Variants in TCF7L1 observed in about 807,000 individuals in gnomAD.
TCF7L1 encodes the protein transcription factor 7 like 1.
Under a neutral mutation model 63.7 loss-of-function variants are expected in TCF7L1, and 18 were observed. The ratio of observed to expected loss-of-function variants is 0.28; its 90% CI spans 0.20 to 0.42. TCF7L1 has a LOEUF of 0.42. Among genes scored for constraint, TCF7L1 ranks in the 10% least tolerant of loss-of-function variants. The pLI is 1.00. For missense variants in TCF7L1, 654 were observed against 779.3 expected (o/e 0.84, Z 1.91); for synonymous variants, 355 against 340.9 (o/e 1.04, Z -0.46).
intron 4 of TCF7L1, among the ~76,000 whole-genome samples, chr2:85,300,328 T>C (rs73943085): frequency 0.11 from 17,304 of 152,248 alleles, 1,196 homozygotes; most frequent in South Asian, 0.2. Context: ...TTAAGATGCA[T>C]TGGCTTCCTG....
At chr2:85,251,723 A>G (rs917374065) in intron 3 of TCF7L1, among the ~76,000 whole-genome samples, 1 of 152,130 alleles carries the variant, frequency 6.6e-6, no homozygotes, top group African/African-American at 2.4e-5. Flanking sequence ...GAAGCTACCT[A>G]CTGCTTGCCC....
chr2:85,138,917 T>C (rs1316369040), intron 3 of TCF7L1, among the ~76,000 whole-genome samples: 1 of 152,206 alleles, frequency 6.6e-6, no homozygotes, highest in Admixed American at 6.5e-5. Context: ...TTAAATCTTC[T>C]ATAATAGGAA....
At chr2:85,268,599 GC>G (rs1681066922) in intron 3 of TCF7L1, among the ~76,000 whole-genome samples, 3 of 150,788 alleles carry the variant, frequency 2.0e-5, no homozygotes, top group African/African-American at 7.3e-5. Context: ...CCGCCACCAT[GC>G]CCGGCTAGTT....
At chr2:85,205,170 A>G (rs961705540) in intron 3 of TCF7L1, 17 of 152,254 alleles carry the variant, frequency 1.1e-4, no homozygotes, top group African/African-American at 3.6e-4. Context: ...AAGTTGTTTT[A>G]AAATAATACA....
chr2:85,264,885 A>G (rs1275488814), intron 3 of TCF7L1, among the ~76,000 whole-genome samples: 1 of 152,236 alleles, frequency 6.6e-6, no homozygotes, highest in East Asian at 1.9e-4. Context: ...AATTTGTCCA[A>G]TAAACCATCA....
intron 3 of TCF7L1, among the ~76,000 whole-genome samples, chr2:85,250,232 C>T (rs186787652): frequency 1.2e-4 from 18 of 152,240 alleles, no homozygotes; most frequent in Non-Finnish European, 1.8e-4. Flanking sequence ...CGTGACATCA[C>T]TGAACACTGA....
rs749856043 is a variant in TCF7L1 at position 85,304,329 on chromosome 2, C to T, written c.836C>T (p.Ser279Leu). The change falls in exon 7 of 12, where the codon TCG becomes TTG. Residue 279 changes from serine (S) to leucine (L), a missense_variant. Around this residue, in one of 3 missense-constraint regions of TCF7L1, gnomAD observed 404 missense variants for 454.8 expected, o/e 0.89. Transcript: ENST00000282111. ...HPYPALAMNA[S>L]MSSLVSSRFS... ...TACCCCGCCCTCGCCATGAACGCCT[C>T]GATGTCCAGGTGAGTCCCGGGGCTG... 5.0e-6 allele frequency: 8 copies of T among 1,613,930 alleles called. 1 individual carries two copies. The South Asian group carries it at 6.6e-5, about 13-fold the overall frequency.
At chr2:85,256,242 C>T (rs1370205326) in intron 3 of TCF7L1, among the ~76,000 whole-genome samples, 2 of 151,110 alleles carry the variant, frequency 1.3e-5, no homozygotes, top group Non-Finnish European at 3.0e-5. Context: ...GATGGTGCGT[C>T]CGCGCGCCGA....
intron 3 of TCF7L1, chr2:85,262,309 T>C (rs2104347642): frequency 1.8e-6 from 1 of 550,474 alleles, no homozygotes; most frequent in Non-Finnish European, 3.7e-6. Flanking sequence ...GGCCATGGTA[T>C]GCCATGGTGG....
rs1558611405 is a variant in TCF7L1, at chr2:85,133,724, GGCA to G, written c.43_45del (p.Ser15del). ...CGGCGGGGGCGGCGGCGGCGGCGGC[GGCA>G]GCGGGGGAGGCGGCGGCTCCAGCGC... On this transcript the variant is annotated inframe_deletion, in exon 1 of 12. Coordinates refer to ENST00000282111, the MANE Select transcript of TCF7L1 (RefSeq NM_031283.3). The surrounding 1 kb of genome is among the most constrained non-coding windows in gnomAD (Gnocchi z 4.4). 4.4e-6 allele frequency: 5 copies of G among 1,148,470 alleles called. No individual in the cohort carries two copies. Among genetic ancestry groups the G allele is most frequent in the South Asian group, 8.5e-5 (2 of 23,416 alleles). 71.1% of individuals were successfully genotyped at this position (1,148,470 alleles called of 1,614,324 possible).
At chr2:85,195,565 G>C (rs1470283976) in intron 3 of TCF7L1, among the ~76,000 whole-genome samples, 2 of 149,922 alleles carry the variant, frequency 1.3e-5, no homozygotes, top group East Asian at 1.9e-4. Context: ...TTCTTTTTTT[G>C]AGACAGGGTC....
chr2:85,281,650 TG>T (rs1393349301), intron 3 of TCF7L1, among the ~76,000 whole-genome samples: 2 of 151,624 alleles, frequency 1.3e-5, no homozygotes, highest in Admixed American at 6.6e-5. Context: ...GGCTGAGGGG[TG>T]GGGGTACAGA....
chr2:85,219,890 A>G (rs767875391), intron 3 of TCF7L1, among the ~76,000 whole-genome samples: 5 of 152,222 alleles, frequency 3.3e-5, no homozygotes, highest in Non-Finnish European at 7.3e-5. Context: ...TACAATGTTG[A>G]CAACTGACTT....
chr2:85,194,261 C>T (rs1421947335), intron 3 of TCF7L1, among the ~76,000 whole-genome samples: 1 of 152,126 alleles, frequency 6.6e-6, no homozygotes, highest in Non-Finnish European at 1.5e-5. Flanking sequence ...GGAGTGGTGG[C>T]TCACACCTGT....
intron 3 of TCF7L1, among the ~76,000 whole-genome samples, chr2:85,236,082 G>A (rs1680184277): frequency 6.6e-6 from 1 of 152,110 alleles, no homozygotes; most frequent in South Asian, 2.1e-4. Context: ...GAGCCCTGGA[G>A]GTCAAGGCTG....
chr2:85,218,642 G>GC (rs915527525), intron 3 of TCF7L1, among the ~76,000 whole-genome samples: 3 of 150,832 alleles, frequency 2.0e-5, no homozygotes, highest in African/African-American at 7.3e-5. Flanking sequence ...ATTCCAATGG[G>GC]GGGGGGAAAA....
At chr2:85,189,129 C>A (rs1022059050) in intron 3 of TCF7L1, among the ~76,000 whole-genome samples, 4 of 152,140 alleles carry the variant, frequency 2.6e-5, no homozygotes, top group African/African-American at 9.7e-5. Context: ...TGCCCTTCCC[C>A]CCGAAGCAAT....
chr2:85,257,826 C>T (rs899965675), intron 3 of TCF7L1, among the ~76,000 whole-genome samples: 4 of 152,206 alleles, frequency 2.6e-5, no homozygotes, highest in African/African-American at 7.2e-5. Flanking sequence ...CTACCTGCCC[C>T]CTCCCGCCAC....
Position 85,283,168 on chromosome 2 carries a change from G to A in TCF7L1, c.442-327G>A, listed in dbSNP as rs189274227. Among the ~76,000 whole-genome samples, 370 of 151,808 alleles carry A rather than the reference G, an allele frequency of 2.4e-3. 3 individuals are homozygous for A. The highest frequency in any genetic ancestry group is 2.6e-3 in the Non-Finnish European group (177 of 67,998). ...TGACTACAGCATAGGGAGGGGACTT[G>A]AGCCTCACTAGTAGGTTCTTTGAAT... On this transcript the variant is annotated intron_variant, in intron 3 of 11. Coordinates refer to ENST00000282111, the MANE Select transcript of TCF7L1 (RefSeq NM_031283.3).
Sources: allele counts gnomAD v4.1 joint callset (sites outside exome capture counted in the v4.1 genomes callset), GRCh38; gene constraint gnomAD v4.1.1; regional missense constraint gnomAD v4.1.1; non-coding constraint Gnocchi (gnomAD v3.1); transcripts MANE v1.5; gene names NCBI Gene and HGNC (gene_info 2026-07-23, HGNC 2026-07-21).